FAT4: variants seen among roughly 807,000 people sequenced by gnomAD.
FAT4 encodes FAT atypical cadherin 4.
Under a neutral mutation model 303.9 loss-of-function variants are expected in FAT4, and 84 were observed. The ratio of observed to expected loss-of-function variants is 0.28; its 90% CI spans 0.23 to 0.33. The LOEUF is 0.33. Among genes scored for constraint, FAT4 ranks in the 10% least tolerant of loss-of-function variants. The probability of loss-of-function intolerance (pLI) is 1.00; values close to 1 mark genes in which losing one functional copy is unlikely to be tolerated. For synonymous variants in FAT4, 2,307 were observed against 2,298.8 expected (o/e 1.00, Z -0.10); for missense variants, 6,005 against 6,146.8 (o/e 0.98, Z 0.77).
At chr4:125,425,703 G>A (rs1725064557) in intron 7 of FAT4, among the ~76,000 whole-genome samples, 1 of 152,092 alleles carries the variant, frequency 6.6e-6, no homozygotes, top group Admixed American at 6.5e-5. Context: ...TGGGCTGTAT[G>A]TTTGCATTGA....
chr4:125,403,720 A>G (rs1241016733), intron 3 of FAT4, among the ~76,000 whole-genome samples: 1 of 152,182 alleles, frequency 6.6e-6, no homozygotes, highest in Non-Finnish European at 1.5e-5. Context: ...TATTCTTGAA[A>G]TGTCCTCAGT....
chr4:125,358,854 G>T (rs1414208367), intron 2 of FAT4, among the ~76,000 whole-genome samples: 4 of 152,064 alleles, frequency 2.6e-5, no homozygotes, highest in African/African-American at 9.7e-5. Context: ...ATTATAGTTA[G>T]TAGAAGGAAA....
intron 2 of FAT4, among the ~76,000 whole-genome samples, chr4:125,326,882 G>T (rs1198430051): frequency 2.0e-5 from 3 of 151,972 alleles, no homozygotes; most frequent in Non-Finnish European, 4.4e-5. Context: ...AAAATTTGCC[G>T]GGCATGGTGG....
At position 125,452,050 on chromosome 4, in the gene FAT4, G is replaced by A. The variant is rs147998041; in HGVS notation, c.11040G>A (p.Thr3680=). ...CCCAGCCAAGGTCCACAGATGGCAC[G>A]TTTGATCTGACTGTCCTTAGCAATG... ...LNSQPRSTDG[T]FDLTVLSNDG... is the part of the protein sequence containing the mutation. Residue 3680 remains threonine (T), a synonymous_variant, in exon 10 of 18, where the codon ACG becomes ACA. Transcript: ENST00000394329. 5.4e-5 allele frequency: 87 copies of A among 1,614,106 alleles called. No homozygotes were observed. In the African/African-American group the frequency reaches 8.9e-4, roughly 17 times the overall value.
Position 125,371,159 on chromosome 4 carries a change from A to C in FAT4, c.5176-27625A>C, listed in dbSNP as rs2710584. On this transcript the variant is annotated intron_variant, in intron 2 of 17. Transcript: ENST00000394329. Reference sequence around the variant, plus strand: ...GCTAAACTCCATCTCAAAAAAAAAAAAAAAAAAGAAGAAGTTTAAATGTCT... The same window carrying C: ...GCTAAACTCCATCTCAAAAAAAAAACAAAAAAAGAAGAAGTTTAAATGTCT... Among the ~76,000 whole-genome samples, 4 of 151,524 alleles carry C rather than the reference A, an allele frequency of 2.6e-5. 1 individual carries two copies. In the South Asian group the frequency reaches 8.3e-4, roughly 32 times the overall value.
At position 125,316,832 on chromosome 4, in the gene FAT4, G is replaced by A; in HGVS notation, c.421G>A (p.Val141Met). The stretch of plus-strand genomic sequence containing the variant: ...CCCCGTTTTCCCGGACCCCTCTATC[G>A]TGGTCACTTTCAAGGAAGACAGTAG... Reference protein sequence around the residue: ...NAPVFPDPSIVVTFKEDSSSG... With the variant: ...NAPVFPDPSIMVTFKEDSSSG... The change falls in exon 2 of 18, where the codon GTG becomes ATG. Residue 141 changes from valine to methionine, a missense_variant. By Grantham distance (21) the Val-to-Met change is conservative (BLOSUM62 1). Transcript: ENST00000394329. This position sits in a 1 kb window ranked among gnomAD's most constrained non-coding sequence, Gnocchi z 5.7. The A allele has an allele frequency of 6.2e-7, 1 of 1,613,950 alleles. No individual in the cohort carries two copies. The highest frequency in any genetic ancestry group is 8.5e-7 in the Non-Finnish European group (1 of 1,179,994).
In FAT4 at chr4:125,448,909, G is replaced by T. The variant is rs763676237; in HGVS notation, c.7899G>T (p.Lys2633Asn). The change falls in exon 10 of 18, where the codon AAG becomes AAT. Residue 2633 changes from lysine to asparagine, a missense_variant. Lys to Asn is a moderately conservative substitution (Grantham distance 94, BLOSUM62 0). Transcript: ENST00000394329. ...VSISQPLDFE[K>N]IQKYVVWIEA... ...TTAGTCAACCTCTGGATTTTGAAAA[G>T]ATACAAAAATATGTTGTATGGATAG... 1.7e-5 allele frequency: 28 copies of T among 1,611,964 alleles called. No individual in the cohort carries two copies. The highest frequency in any genetic ancestry group is 3.3e-5 in the Admixed American group (2 of 59,760).
At chr4:125,476,700 A>G (rs1727042159) in intron 13 of FAT4, among the ~76,000 whole-genome samples, 1 of 152,232 alleles carries the variant, frequency 6.6e-6, no homozygotes, top group South Asian at 2.1e-4. Context: ...TGATAAACAG[A>G]GAAAAATAAG....
chr4:125,458,146 G>A (rs1242458349), intron 10 of FAT4, among the ~76,000 whole-genome samples: 2 of 151,904 alleles, frequency 1.3e-5, no homozygotes, highest in Non-Finnish European at 2.9e-5. Flanking sequence ...TGCATTTCAG[G>A]TGTAGTATTT....
In FAT4 at chr4:125,317,875, G is replaced by A. The variant is rs373169363; in HGVS notation, c.1464G>A (p.Ala488=). 3.7e-6 allele frequency: 6 copies of A among 1,614,156 alleles called. No individual in the cohort carries two copies. Among genetic ancestry groups the A allele is most frequent in the Admixed American group, 1.7e-5 (1 of 60,022 alleles). The part of the protein sequence containing the change: ...QVYRVNLSEE[A]PPGSYVSGIS... ...ACAGAGTGAACCTGAGCGAGGAGGCGCCTCCGGGAAGCTATGTGAGTGGGA... is the reference window on the plus strand; with the variant it reads ...ACAGAGTGAACCTGAGCGAGGAGGCACCTCCGGGAAGCTATGTGAGTGGGA... Residue 488 remains alanine, a synonymous_variant, in exon 2 of 18, where the codon GCG becomes GCA. Transcript: ENST00000394329. The surrounding 1 kb of genome is among the most constrained non-coding windows in gnomAD (Gnocchi z 7.0).
chr4:125,372,206 A>G (rs1578569968), intron 2 of FAT4, among the ~76,000 whole-genome samples: 1 of 152,110 alleles, frequency 6.6e-6, no homozygotes, highest in East Asian at 1.9e-4. Context: ...AAAAGAAAAA[A>G]GGAAAATTAT....
intron 7 of FAT4, among the ~76,000 whole-genome samples, chr4:125,424,249 C>T (rs1725007960): frequency 6.6e-6 from 1 of 152,062 alleles, no homozygotes; most frequent in Admixed American, 6.5e-5. Context: ...CTGAGAGGGA[C>T]CTAGTGGGTG....
rs745978650 is a variant in FAT4 at position 125,318,344 on chromosome 4, T to C, written c.1933T>C (p.Ser645Pro). 2.5e-6 allele frequency: 4 copies of C among 1,614,056 alleles called. No homozygotes were observed. The highest frequency in any genetic ancestry group is 3.4e-6 in the Non-Finnish European group (4 of 1,180,040). ...DPVSGRLSTISSLDREEQAFY... is the reference protein window; with the variant it reads ...DPVSGRLSTIPSLDREEQAFY... ...TGTGTCTGGGAGGTTGAGTACTATT[T>C]CCTCCTTGGACAGAGAAGAGCAAGC... The change falls in exon 2 of 18, where the codon TCC becomes CCC. Residue 645 changes from serine (S) to proline (P), a missense_variant. Coordinates refer to ENST00000394329, the MANE Select transcript of FAT4 (RefSeq NM_001291303.3).
intron 7 of FAT4, among the ~76,000 whole-genome samples, chr4:125,420,518 A>C (rs1320095205): frequency 6.6e-6 from 1 of 152,192 alleles, no homozygotes; most frequent in African/African-American, 2.4e-5. Context: ...TTTTTAAAGA[A>C]ACTTCCAAAA....
In FAT4 at chr4:125,492,815, T is replaced by G. The variant is rs1046034578; in HGVS notation, c.*1047T>G. ...CTTTCAGGGAAGGTAAGAAAATACT[T>G]TTTTTATATTTGTTACTTATGTAAC... On this transcript the variant is annotated 3_prime_UTR_variant, in exon 18 of 18. Transcript: ENST00000394329. 2.0e-5 allele frequency: 3 copies of G among 152,622 alleles called. No homozygotes were observed. The highest frequency in any genetic ancestry group is 2.9e-5 in the Non-Finnish European group (2 of 68,000). The allele number at this position is 152,622 out of a possible 1,614,324, so 9.5% of individuals were successfully genotyped here.
intron 2 of FAT4, among the ~76,000 whole-genome samples, chr4:125,388,041 G>A (rs2126004204): frequency 6.6e-6 from 1 of 152,294 alleles, no homozygotes; most frequent in South Asian, 2.1e-4. Flanking sequence ...TTCCAGCTGA[G>A]ATTCCTCTAC....
intron 2 of FAT4, among the ~76,000 whole-genome samples, chr4:125,372,905 A>G (rs1164313620): frequency 6.6e-6 from 1 of 152,208 alleles, no homozygotes; most frequent in Non-Finnish European, 1.5e-5. Context: ...TTTAGAATTT[A>G]ATACTAACAG....
In FAT4 at chr4:125,334,118, C is replaced by T. The variant is rs138508143; in HGVS notation, c.5175+12532C>T. ...TTTCTTACTTACTGAGTATAGTCAA[C>T]CTATACTCAGTGTTGACTCCAGTCC... On this transcript the variant is annotated intron_variant, in intron 2 of 17. Coordinates refer to ENST00000394329, the MANE Select transcript of FAT4 (RefSeq NM_001291303.3). Among the ~76,000 whole-genome samples, 1,179 of 152,182 alleles carry T rather than the reference C, an allele frequency of 7.7e-3. 15 individuals are homozygous for T. The highest frequency in any genetic ancestry group is 0.014 in the Middle Eastern group (4 of 294).
chr4:125,317,350 C>A lies in FAT4; in HGVS notation c.939C>A (p.Phe313Leu). Reference sequence around the variant, plus strand: ...TCACGGTGCGGGAGCCCCTGGACTTCGAAGCTCGGCGCCAATACTCGCTTA... The same window carrying A: ...TCACGGTGCGGGAGCCCCTGGACTTAGAAGCTCGGCGCCAATACTCGCTTA... The part of the protein sequence containing the change: ...GLITVREPLD[F>L]EARRQYSLTV... Residue 313 changes from phenylalanine (F) to leucine (L), a missense_variant, in exon 2 of 18, where the codon TTC (phenylalanine) becomes TTA (leucine). Phe to Leu is a conservative substitution (Grantham distance 22, BLOSUM62 0). Transcript: ENST00000394329. This position sits in a 1 kb window ranked among gnomAD's most constrained non-coding sequence, Gnocchi z 7.0. 1.9e-6 allele frequency: 3 copies of A among 1,612,780 alleles called. No individual in the cohort carries two copies. The highest frequency in any genetic ancestry group is 1.7e-6 in the Non-Finnish European group (2 of 1,179,578).
Sources: allele counts gnomAD v4.1 joint callset (sites outside exome capture counted in the v4.1 genomes callset), GRCh38; gene constraint gnomAD v4.1.1; non-coding constraint Gnocchi (gnomAD v3.1); transcripts MANE v1.5; gene names NCBI Gene and HGNC (gene_info 2026-07-23, HGNC 2026-07-21).